Variants in EVL observed in about 807,000 individuals in gnomAD.
The protein encoded by EVL is Enah/Vasp-like.
Under a neutral mutation model 59.6 loss-of-function variants are expected in EVL, and 21 were observed. That is an observed-to-expected ratio of 0.35 (90% confidence interval 0.25 to 0.51). The LOEUF (loss-of-function observed/expected upper bound fraction) is 0.51. Among genes scored for constraint, EVL ranks in the 20% least tolerant of loss-of-function variants. The probability of loss-of-function intolerance (pLI) is 0.97; values close to 1 mark genes in which losing one functional copy is unlikely to be tolerated. For synonymous variants in EVL, 198 were observed against 203.5 expected (o/e 0.97, Z 0.23); for missense variants, 462 against 546.6 (o/e 0.85, Z 1.54).
chr14:99,994,081 C>T (rs1254001603), intron 1 of EVL, among the ~76,000 whole-genome samples: 1 of 139,540 alleles, frequency 7.2e-6, no homozygotes. Flanking sequence ...TTTGGAATTA[C>T]AGGTGTGAGC....
chr14:99,988,108 G>T (rs1164522625), intron 1 of EVL, among the ~76,000 whole-genome samples: 2 of 151,752 alleles, frequency 1.3e-5, no homozygotes, highest in Middle Eastern at 3.4e-3. Flanking sequence ...TAGAGATGGG[G>T]TTTCTCCATG....
Position 100,137,642 on chromosome 14 carries a change from C to T in EVL, c.1029C>T (p.Ser343=). Residue 343 remains serine, a splice_region_variant and synonymous_variant, in exon 10 of 14, where the codon TCC becomes TCT. Transcript: ENST00000392920. Reference sequence around the variant, plus strand: ...AGAAGCCTGTGTCCTCGATTCTGTCCAGGTGAGCTGCCCCAGGAAGGCCTG... The same window carrying T: ...AGAAGCCTGTGTCCTCGATTCTGTCTAGGTGAGCTGCCCCAGGAAGGCCTG... ...SVEKPVSSIL[S]RTPSVAKSPE... 3.7e-6 allele frequency: 6 copies of T among 1,614,140 alleles called. No homozygotes were observed. The highest frequency in any genetic ancestry group is 3.4e-6 in the Non-Finnish European group (4 of 1,180,030).
intron 1 of EVL, among the ~76,000 whole-genome samples, chr14:100,029,524 T>G (rs2061274529): frequency 6.6e-6 from 1 of 152,130 alleles, no homozygotes. Context: ...ACCAAAAGCA[T>G]GGAGTAGCAG....
intron 1 of EVL, among the ~76,000 whole-genome samples, chr14:100,047,058 G>A (rs1171432143): frequency 1.4e-5 from 2 of 147,730 alleles, no homozygotes; most frequent in African/African-American, 5.0e-5. Context: ...CAGCAGGAGG[G>A]TTGATTTCTA....
intron 3 of EVL, among the ~76,000 whole-genome samples, chr14:100,116,336 C>T (rs1887344448): frequency 6.6e-6 from 1 of 152,134 alleles, no homozygotes; most frequent in African/African-American, 2.4e-5. Context: ...CGTTTGTTGG[C>T]CAGAAATTCC....
At chr14:100,136,385 G>A (rs1888788179) in intron 9 of EVL, among the ~76,000 whole-genome samples, 1 of 152,252 alleles carries the variant, frequency 6.6e-6, no homozygotes, top group Non-Finnish European at 1.5e-5. Flanking sequence ...ACATTACAGA[G>A]ATGGCAGTAG....
At chr14:100,056,089 C>T (rs1375656999) in intron 1 of EVL, among the ~76,000 whole-genome samples, 2 of 152,186 alleles carry the variant, frequency 1.3e-5, no homozygotes, top group Admixed American at 6.5e-5. Context: ...GGATTACAGG[C>T]GTGAGCCACC....
At position 99,992,073 on chromosome 14, in the gene EVL, A is replaced by G. The variant is rs182941177; in HGVS notation, c.5+20016A>G. On this transcript the variant is annotated intron_variant, in intron 1 of 13. Coordinates refer to the EVL transcript ENST00000402714. ...GCTATACCATTTCACACTTCCACCA[A>G]CTGTGCACAGTGGTTCCAGTTTCTC... Among the ~76,000 whole-genome samples the G allele has an allele frequency of 2.4e-3, 368 of 151,912 alleles. 1 individual carries two copies. Among genetic ancestry groups the G allele is most frequent in the African/African-American group, 8.4e-3 (346 of 41,412 alleles).
intron 1 of EVL, among the ~76,000 whole-genome samples, chr14:100,020,722 A>G (rs2061108683): frequency 6.6e-6 from 1 of 152,204 alleles, no homozygotes; most frequent in Non-Finnish European, 1.5e-5. Flanking sequence ...TAGCCAGTCA[A>G]GGGAGTAGAT....
At chr14:99,976,458 C>T (rs1008405853) in intron 1 of EVL, among the ~76,000 whole-genome samples, 1 of 151,952 alleles carries the variant, frequency 6.6e-6, no homozygotes, top group African/African-American at 2.4e-5. Context: ...AGTCCATGTT[C>T]AATTATGGCA....
chr14:99,990,884 G>T (rs80134105), intron 1 of EVL, among the ~76,000 whole-genome samples: 3,981 of 151,946 alleles, frequency 0.026, 182 homozygotes, highest in African/African-American at 0.092. Context: ...AATGGTTCTG[G>T]ATATATATAT....
upstream of EVL, chr14:100,065,297 C>A: frequency 2.7e-6 from 1 of 365,712 alleles, no homozygotes; most frequent in Non-Finnish European, 4.6e-6. Context: ...TCTTGTTTCT[C>A]TATTTTCTAC....
At chr14:100,008,504 C>G (rs1467943586) in intron 1 of EVL, among the ~76,000 whole-genome samples, 1 of 152,178 alleles carries the variant, frequency 6.6e-6, no homozygotes, top group African/African-American at 2.4e-5. Flanking sequence ...CAGTGGTTCT[C>G]AAGGTTTGGT....
chr14:100,040,004 TC>T (rs1279745458), intron 1 of EVL, among the ~76,000 whole-genome samples: 1 of 152,134 alleles, frequency 6.6e-6, no homozygotes. Flanking sequence ...GATCTCAAAC[TC>T]CCGGGCTCAA....
chr14:100,008,613 A>G (rs1050551086), intron 1 of EVL, among the ~76,000 whole-genome samples: 1 of 152,180 alleles, frequency 6.6e-6, no homozygotes, highest in African/African-American at 2.4e-5. Flanking sequence ...AAAGAGTTGA[A>G]TGGCTTGAGA....
intron 3 of EVL, among the ~76,000 whole-genome samples, chr14:100,101,054 A>G (rs1169095665): frequency 2.6e-5 from 4 of 152,274 alleles, no homozygotes; most frequent in Admixed American, 2.6e-4. Flanking sequence ...GTGTCAAACA[A>G]TATATGTGCT....
At chr14:100,097,440 T>C (rs756697309) in intron 2 of EVL, 41 bp from the exon 3 acceptor site, 7 of 1,561,918 alleles carry the variant, frequency 4.5e-6, no homozygotes, top group Non-Finnish European at 5.2e-6. Context: ...TCACTTACAT[T>C]TTATTTATTT....
intron 1 of EVL, among the ~76,000 whole-genome samples, chr14:100,040,050 G>T (rs117383109): frequency 0.018 from 2,688 of 152,198 alleles, 35 homozygotes; most frequent in Non-Finnish European, 0.026. Context: ...AAAGTGCTGG[G>T]CCTACAGGCA....
intron 13 of EVL, among the ~76,000 whole-genome samples, chr14:100,142,996 C>T (rs1889284509): frequency 6.6e-6 from 1 of 152,240 alleles, no homozygotes; most frequent in Non-Finnish European, 1.5e-5. Context: ...CCAGCCCCCA[C>T]AACCTTCTCC....
Sources: gnomAD v4.1 joint callset for allele counts (sites outside exome capture counted in the v4.1 genomes callset) on GRCh38, gnomAD v4.1.1 for gene constraint, MANE v1.5 for transcripts, NCBI Gene and HGNC (gene_info 2026-07-23, HGNC 2026-07-21) for gene names.